Variants in CALM2 observed in about 807,000 individuals in gnomAD.
CALM2 encodes calmodulin 2, also known as calmodulin-2.
In CALM2, 2 loss-of-function variants were observed where a neutral mutation model predicts 19.8. That is an observed-to-expected ratio of 0.10 (90% CI 0.04 to 0.32). CALM2 has a LOEUF of 0.32. Ranked by LOEUF, CALM2 falls within the 10% of genes least tolerant of loss-of-function variation. CALM2 has a pLI of 1.00. For synonymous variants in CALM2, 51 were observed against 52.1 expected, an observed-to-expected ratio of 0.98 and a Z score of 0.09; for missense variants, 38 against 178.7, an observed-to-expected ratio of 0.21 and a Z score of 4.49.
rs1687114666 is a variant in CALM2, at chr2:47,160,254, G to T, written c.*522C>A. 6.6e-6 allele frequency: 1 copy of T among 152,640 alleles called. No individual in the cohort carries two copies. Among genetic ancestry groups the T allele is most frequent in the Admixed American group, 6.5e-5 (1 of 15,278 alleles). 9.5% of individuals were successfully genotyped at this position (152,640 alleles called of 1,614,324 possible). A position where few individuals can be genotyped will look rare whatever the true frequency, so the allele number is the denominator to read the frequency against. On this transcript the variant is annotated 3_prime_UTR_variant, in exon 6 of 6. Coordinates refer to ENST00000272298, the MANE Select transcript of CALM2 (RefSeq NM_001743.6). The stretch of plus-strand genomic sequence containing the variant: ...TTGTGCCATAAGCAGATTTTAAGTG[G>T]CTAAACAAAGTTTAAAAAGCAAGTA...
intron 1 of CALM2, among the ~76,000 whole-genome samples, chr2:47,174,667 T>C (rs899580788): frequency 2.0e-5 from 3 of 152,032 alleles, no homozygotes; most frequent in South Asian, 2.1e-4. Flanking sequence ...AATGCGTAGA[T>C]ACCAACTCTA....
intron 5 of CALM2, 122 bp downstream of exon 5, chr2:47,161,597 TGTAA>T (rs1687156725): frequency 1.3e-6 from 1 of 772,498 alleles, no homozygotes; most frequent in Non-Finnish European, 2.1e-6. Flanking sequence ...GAAGGTTAAA[TGTAA>T]GTAACTGTTT....
At chr2:47,166,693 T>TG (rs1266644151) in intron 2 of CALM2, among the ~76,000 whole-genome samples, 1 of 152,288 alleles carries the variant, frequency 6.6e-6, no homozygotes, top group East Asian at 1.9e-4. Flanking sequence ...TCACCTGCCT[T>TG]TACAGTTTTC....
chr2:47,172,371 T>C, intron 1 of CALM2: 1 of 521,224 alleles, frequency 1.9e-6, no homozygotes, highest in Non-Finnish European at 3.6e-6. Context: ...GTACTCCTCC[T>C]CTCAGTCAAC....
chr2:47,162,254 T>C (rs1210541809), intron 4 of CALM2, 32 bp downstream of exon 4: 10 of 1,145,124 alleles, frequency 8.7e-6, no homozygotes, highest in Non-Finnish European at 1.2e-5. Context: ...CATTTCATCC[T>C]CAAAATTTAA....
chr2:47,176,572 G>T (rs899633621), upstream of CALM2: 3 of 1,549,132 alleles, frequency 1.9e-6, no homozygotes, highest in East Asian at 2.4e-5. Context: ...TCCCTCCGCC[G>T]CATCCAGATA....
intron 1 of CALM2, 90 bp downstream of exon 1, chr2:47,176,351 G>GT: frequency 1.3e-6 from 2 of 1,509,704 alleles, no homozygotes; most frequent in South Asian, 2.3e-5. Flanking sequence ...CCTTGAAGGT[G>GT]TAAGGGAGGC....
At position 47,172,810 on chromosome 2, in the gene CALM2, G is replaced by T. The variant is rs1178675673; in HGVS notation, c.4-2046C>A. The T allele has an allele frequency of 4.4e-3, 16 of 3,636 alleles. 2 individuals are homozygous for T. Among genetic ancestry groups the T allele is most frequent in the African/African-American group, 8.3e-3 (15 of 1,814 alleles). 0.2% of individuals were successfully genotyped at this position (3,636 alleles called of 1,614,324 possible). ...GGTTCGTTCTCTCTACATGGGTTGG[G>T]GGGGGGGGGGGGGTGGGAAATGGGA... On this transcript the variant is annotated intron_variant, in intron 1 of 5. Coordinates refer to ENST00000272298, the MANE Select transcript of CALM2 (RefSeq NM_001743.6).
chr2:47,171,124 G>T, intron 1 of CALM2: 1 of 181,210 alleles, frequency 5.5e-6, no homozygotes. Context: ...CTCACAAAAT[G>T]AAAATTACTC....
At chr2:47,176,652 A>G, upstream of CALM2, 2 of 1,469,654 alleles carry the variant, frequency 1.4e-6, no homozygotes, top group South Asian at 1.3e-5. Context: ...CTTTCTTCAC[A>G]GTTATTTGGT....
intron 4 of CALM2, 81 bp downstream of exon 4, chr2:47,162,199 AACAACC>A: frequency 5.5e-6 from 2 of 361,560 alleles, no homozygotes; most frequent in Non-Finnish European, 9.1e-6. Context: ...AAAAAAAAAA[AACAACC>A]AAAAAAACAC....
chr2:47,161,902 T>G, intron 4 of CALM2, 44 bp from the exon 5 acceptor site: 12 of 1,524,516 alleles, frequency 7.9e-6, no homozygotes, highest in Non-Finnish European at 1.1e-5. Context: ...ATTACAGACT[T>G]GAGAGTTGGA....
chr2:47,162,763 G>A lies in CALM2; in HGVS notation c.35-101C>T, dbSNP rs376669995. 1.6e-5 allele frequency: 16 copies of A among 1,003,934 alleles called. No individual in the cohort carries two copies. In the Middle Eastern group the frequency reaches 6.4e-4, roughly 40 times the overall value. The allele number at this position is 1,003,934 out of a possible 1,614,324, so 62.2% of individuals were successfully genotyped here. A position where few individuals can be genotyped will look rare whatever the true frequency, so the allele number is the denominator to read the frequency against. On this transcript the variant is annotated intron_variant, in intron 2 of 5. Coordinates refer to ENST00000272298, the MANE Select transcript of CALM2 (RefSeq NM_001743.6). ...TTAAAGCCTACTCAGTGGTGGGATC[G>A]TGCCAGTGAACAGCCACTGCACTTC...
chr2:47,168,513 T>A (rs1053557437), intron 2 of CALM2, among the ~76,000 whole-genome samples: 2 of 151,756 alleles, frequency 1.3e-5, no homozygotes, highest in Non-Finnish European at 1.5e-5. Context: ...CTGAGGCGGG[T>A]GGATCACCTG....
rs998823939 is a variant in CALM2 at position 47,160,544 on chromosome 2, T to C, written c.*232A>G. 6 of 405,502 alleles carry C rather than the reference T, an allele frequency of 1.5e-5. No homozygotes were observed. The highest frequency in any genetic ancestry group is 2.2e-5 in the Non-Finnish European group (5 of 222,662). 25.1% of individuals were successfully genotyped at this position (405,502 alleles called of 1,614,324 possible). A position where few individuals can be genotyped will look rare whatever the true frequency, so the allele number is the denominator to read the frequency against. On this transcript the variant is annotated 3_prime_UTR_variant, in exon 6 of 6. Coordinates refer to ENST00000272298, the MANE Select transcript of CALM2 (RefSeq NM_001743.6). ...GTTTAGATGTGCAGAAGGGCTTAGA[T>C]ATATCCAGAGTAAGCCACATGCAAC...
chr2:47,174,529 T>A (rs1422740822), intron 1 of CALM2, among the ~76,000 whole-genome samples: 1 of 152,178 alleles, frequency 6.6e-6, no homozygotes, highest in African/African-American at 2.4e-5. Context: ...TATCTGTCAA[T>A]TTTTATTAAG....
chr2:47,173,542 G>A (rs1487449038), intron 1 of CALM2: 2 of 152,134 alleles, frequency 1.3e-5, no homozygotes, highest in East Asian at 1.9e-4. Context: ...GCACGACCCC[G>A]TATTACATTA....
At position 47,176,394 on chromosome 2, in the gene CALM2, C is replaced by T. The variant is rs1410489545; in HGVS notation, c.3+47G>A. 6 of 1,609,222 alleles carry T rather than the reference C, an allele frequency of 3.7e-6. No homozygotes were observed. The African/African-American group carries it at 4.0e-5, about 11-fold the overall frequency. ...CTTTGTTTAGTCAGTTCGCTCCAGTCTCTTCCCCCCACAGGCCCAGCGCCG... is the reference window on the plus strand; with the variant it reads ...CTTTGTTTAGTCAGTTCGCTCCAGTTTCTTCCCCCCACAGGCCCAGCGCCG... On this transcript the variant is annotated intron_variant, in intron 1 of 5. Coordinates refer to ENST00000272298, the MANE Select transcript of CALM2 (RefSeq NM_001743.6).
intron 2 of CALM2, among the ~76,000 whole-genome samples, chr2:47,170,041 C>G (rs1666614546): frequency 6.6e-6 from 1 of 150,906 alleles, no homozygotes; most frequent in Non-Finnish European, 1.5e-5. Context: ...TCTCAATGTA[C>G]AAGGATAAAT....
Sources: gnomAD v4.1 joint callset for allele counts (sites outside exome capture counted in the v4.1 genomes callset) on GRCh38, gnomAD v4.1.1 for gene constraint, MANE v1.5 for transcripts, NCBI Gene and HGNC (gene_info 2026-07-23, HGNC 2026-07-21) for gene names.